Variants in TPMT observed in about 807,000 individuals in gnomAD.
TPMT encodes S-adenosyl-L-methionine:thiopurine S-methyltransferase.
Under a neutral mutation model 34.2 loss-of-function variants are expected in TPMT, and 18 were observed. The ratio of observed to expected loss-of-function variants is 0.53; its 90% CI spans 0.36 to 0.78. The LOEUF is 0.78. TPMT is among the 30% of genes least tolerant of loss of function. TPMT has a pLI of 0.00. For synonymous variants in TPMT, 69 were observed against 92.4 expected, an observed-to-expected ratio of 0.75 and a Z score of 1.45; for missense variants, 265 against 288.1, an observed-to-expected ratio of 0.92 and a Z score of 0.58.
chr6:18,146,821 G>A lies in TPMT; in HGVS notation c.233+1002C>T, dbSNP rs1257427665. ...GGCTCTCAGCTACAGTTGATTGGTT[G>A]CTGGCTGCAAAAATTCTATCATCTC... On this transcript the variant is annotated intron_variant, in intron 3 of 8. Transcript: ENST00000309983. The surrounding 1 kb of genome is among the most constrained non-coding windows in gnomAD (Gnocchi z 6.2). Among the ~76,000 whole-genome samples, 1 of 152,132 alleles carries A rather than the reference G, an allele frequency of 6.6e-6. No homozygotes were observed.
In TPMT at chr6:18,133,847, C is replaced by A. The variant is rs6921269; in HGVS notation, c.537G>T (p.Gln179His). 1.2e-3 allele frequency: 1,901 copies of A among 1,611,974 alleles called. 25 individuals carry two copies. In the African/African-American group the frequency reaches 0.022, roughly 19 times the overall value. Residue 179 changes from glutamine (Q) to histidine (H), a missense_variant, in exon 7 of 9, where the codon CAG becomes CAT. Transcript: ENST00000309983. Reference sequence around the variant, plus strand: ...CATAAGAAAGAACACACAGGAGATACTGAAACTTCTTTCCCAGGAGGGAAA... The same window carrying A: ...CATAAGAAAGAACACACAGGAGATAATGAAACTTCTTTCCCAGGAGGGAAA... ...TMFSLLGKKFQYLLCVLSYDP... is the reference protein window; with the variant it reads ...TMFSLLGKKFHYLLCVLSYDP...
chr6:18,147,979 T>C (rs1784279503), intron 2 of TPMT, 64 bp from the exon 3 acceptor site: 1 of 1,216,828 alleles, frequency 8.2e-7, no homozygotes, highest in Non-Finnish European at 1.2e-6. Context: ...TTTCATTCAT[T>C]ATCTCACTTA....
At chr6:18,151,650 C>T (rs571607946) in intron 1 of TPMT, among the ~76,000 whole-genome samples, 59 of 151,822 alleles carry the variant, frequency 3.9e-4, no homozygotes, top group African/African-American at 1.4e-3. Context: ...GTCACCCAGG[C>T]TGTAGTGCAG....
rs762310024 is a variant in TPMT, at chr6:18,147,872, C to T, written c.184G>A (p.Gly62Arg). ...CAAAGAGGAAAAAATACCCTCAGTC[C>T]ACTCTTGCCTTTAAGGAAAGTATCT... is the stretch of plus-strand genomic sequence containing the variant. ...HLDTFLKGKS[G>R]LRVFFPLCGK... Residue 62 changes from glycine to arginine, a missense_variant, in exon 3 of 9, where the codon GGA (glycine) becomes AGA (arginine). Physicochemically the swap from Gly to Arg is moderately radical, Grantham distance 125. Coordinates refer to ENST00000309983, the MANE Select transcript of TPMT (RefSeq NM_000367.5). 1 of 1,613,876 alleles carries T rather than the reference C, an allele frequency of 6.2e-7. No individual in the cohort carries two copies.
chr6:18,130,712 T>G lies in TPMT; in HGVS notation c.694A>C (p.Ile232Leu). ...TATAACTTTTCAAAAAGACAGTCAA[T>G]TCCCCAACTTTTATGTCGTTCTTCA... ...AFEERHKSWG[I>L]DCLFEKLYLL... The change falls in exon 9 of 9, where the codon ATT becomes CTT. Residue 232 changes from isoleucine to leucine, a missense_variant. Coordinates refer to ENST00000309983, the MANE Select transcript of TPMT (RefSeq NM_000367.5). This position sits in a 1 kb window ranked among gnomAD's most constrained non-coding sequence, Gnocchi z 4.2. The G allele has an allele frequency of 6.2e-7, 1 of 1,613,224 alleles. No homozygotes were observed. Among genetic ancestry groups the G allele is most frequent in the South Asian group, 1.1e-5 (1 of 91,046 alleles).
At chr6:18,137,943 C>A (rs1784072807) in intron 6 of TPMT, among the ~76,000 whole-genome samples, 1 of 152,090 alleles carries the variant, frequency 6.6e-6, no homozygotes, top group Non-Finnish European at 1.5e-5. Context: ...CCACATTGGG[C>A]TGATTTTTGT....
intron 6 of TPMT, 76 bp from the exon 7 acceptor site, chr6:18,133,965 G>T: frequency 8.4e-7 from 1 of 1,185,430 alleles, no homozygotes; most frequent in Non-Finnish European, 1.3e-6. Flanking sequence ...GGCAGGGAAG[G>T]AAGCCAGAAG....
Position 18,132,063 on chromosome 6 carries a change from C to A in TPMT, c.625+70G>T. The A allele has an allele frequency of 6.4e-7, 1 of 1,554,414 alleles. No individual in the cohort carries two copies. The highest frequency in any genetic ancestry group is 8.9e-7 in the Non-Finnish European group (1 of 1,127,644). On this transcript the variant is annotated intron_variant, in intron 8 of 8. Coordinates refer to ENST00000309983, the MANE Select transcript of TPMT (RefSeq NM_000367.5). The surrounding 1 kb of genome is among the most constrained non-coding windows in gnomAD (Gnocchi z 4.8). ...AAGTGCTGGAAATACAGGCATGAGC[C>A]AGCACGCCAGGCCCAAAAGAGTTAA...
intron 1 of TPMT, among the ~76,000 whole-genome samples, chr6:18,152,394 T>C (rs948659854): frequency 6.6e-6 from 1 of 152,166 alleles, no homozygotes; most frequent in Non-Finnish European, 1.5e-5. Context: ...CAGATTAAAG[T>C]AGATACTGAA....
rs1784089391 is a variant in TPMT, at chr6:18,138,846, C to CA, written c.494+116dup. On this transcript the variant is annotated intron_variant, in intron 6 of 8. Coordinates refer to ENST00000309983, the MANE Select transcript of TPMT (RefSeq NM_000367.5). The surrounding 1 kb of genome is among the most constrained non-coding windows in gnomAD (Gnocchi z 4.1). ...ATTGGATTTAGGTTTTTATAAATTC[C>CA]AAACATAATAACCTATTTCAAACTC... 1 of 872,796 alleles carries CA rather than the reference C, an allele frequency of 1.1e-6. No individual in the cohort carries two copies. The highest frequency in any genetic ancestry group is 1.7e-5 in the African/African-American group (1 of 58,518). 54.1% of individuals were successfully genotyped at this position (872,796 alleles called of 1,614,324 possible). A position where few individuals can be genotyped will look rare whatever the true frequency, so the allele number is the denominator to read the frequency against.
In TPMT at chr6:18,148,846, A is replaced by T; in HGVS notation, c.140+142T>A. 8.6e-7 allele frequency: 1 copy of T among 1,167,046 alleles called. No individual in the cohort carries two copies. Among genetic ancestry groups the T allele is most frequent in the Non-Finnish European group, 1.3e-6 (1 of 797,800 alleles). 72.3% of individuals were successfully genotyped at this position (1,167,046 alleles called of 1,614,324 possible). ...TTAAACTACATCATGCCACAGATGC[A>T]CTGTGACTCGGGAGACACAAAAATG... On this transcript the variant is annotated intron_variant, in intron 2 of 8. Transcript: ENST00000309983. This position sits in a 1 kb window ranked among gnomAD's most constrained non-coding sequence, Gnocchi z 4.1.
chr6:18,138,800 T>A lies in TPMT; in HGVS notation c.494+163A>T, dbSNP rs1784089043. Among the ~76,000 whole-genome samples the A allele has an allele frequency of 6.6e-6, 1 of 152,222 alleles. No individual in the cohort carries two copies. The highest frequency in any genetic ancestry group is 1.5e-5 in the Non-Finnish European group (1 of 68,044). On this transcript the variant is annotated intron_variant, in intron 6 of 8. Coordinates refer to ENST00000309983, the MANE Select transcript of TPMT (RefSeq NM_000367.5). This position sits in a 1 kb window ranked among gnomAD's most constrained non-coding sequence, Gnocchi z 4.1. ...CCCAGGTCTCTGTAGTCAAATCCTA[T>A]ACTTTTTAGACAAAGCTAGTATTGG...
At position 18,147,925 on chromosome 6, in the gene TPMT, A is replaced by G. The variant is rs757278118; in HGVS notation, c.141-10T>C. The G allele has an allele frequency of 2.0e-4, 136 of 686,522 alleles. 1 individual carries two copies. Among genetic ancestry groups the G allele is most frequent in the South Asian group, 1.3e-3 (40 of 29,976 alleles). 42.5% of individuals were successfully genotyped at this position (686,522 alleles called of 1,614,324 possible). A position where few individuals can be genotyped will look rare whatever the true frequency, so the allele number is the denominator to read the frequency against. On this transcript the variant is annotated splice_polypyrimidine_tract_variant and intron_variant, in intron 2 of 8. Transcript: ENST00000309983. The stretch of plus-strand genomic sequence containing the variant: ...ATGCTTCTTTAATAGCCTGAAGAGG[A>G]AAAAAAAAAAGGTTTTAGGACAATT...
At position 18,142,398 on chromosome 6, in the gene TPMT, T is replaced by A. The variant is rs563965521; in HGVS notation, c.366+1198A>T. Among the ~76,000 whole-genome samples, 3 of 152,182 alleles carry A rather than the reference T, an allele frequency of 2.0e-5. No individual in the cohort carries two copies. In the East Asian group the frequency reaches 5.8e-4, roughly 30 times the overall value. ...CTACCACACTTCTTCCAATTTAGGA[T>A]CAGCCAGAGAAAGGCAAACATGCTC... On this transcript the variant is annotated intron_variant, in intron 4 of 8. Transcript: ENST00000309983.
intron 7 of TPMT, 27 bp downstream of exon 7, chr6:18,133,777 G>GAAAAAAAAAA: frequency 7.4e-7 from 1 of 1,348,420 alleles, no homozygotes; most frequent in Non-Finnish European, 1.0e-6. Context: ...ACTGGTAAAA[G>GAAAAAAAAAA]AAAAAAAAAA....
At position 18,140,288 on chromosome 6, in the gene TPMT, C is replaced by T. The variant is rs1740719592; in HGVS notation, c.367-571G>A. Among the ~76,000 whole-genome samples, 1 of 152,202 alleles carries T rather than the reference C, an allele frequency of 6.6e-6. No homozygotes were observed. Among genetic ancestry groups the T allele is most frequent in the South Asian group, 2.1e-4 (1 of 4,830 alleles). On this transcript the variant is annotated intron_variant, in intron 4 of 8. Transcript: ENST00000309983. The surrounding 1 kb of genome is among the most constrained non-coding windows in gnomAD (Gnocchi z 4.7). ...AGCAGAGAAGCGTGGGCACAGAGAA[C>T]ATTACAATCCAGAATGGCCTGCTCT...
rs1015892703 is a variant in TPMT, at chr6:18,139,449, T to C, written c.419+216A>G. Among the ~76,000 whole-genome samples, 1 of 152,182 alleles carries C rather than the reference T, an allele frequency of 6.6e-6. No homozygotes were observed. Among genetic ancestry groups the C allele is most frequent in the African/African-American group, 2.4e-5 (1 of 41,426 alleles). On this transcript the variant is annotated intron_variant, in intron 5 of 8. Transcript: ENST00000309983. The surrounding 1 kb of genome is among the most constrained non-coding windows in gnomAD (Gnocchi z 4.2). ...TCACCTTTCTTTTTCCCTAGCTGCCTCAGTTTCCCATAGTTTGGGAGCTAA... is the reference window on the plus strand; with the variant it reads ...TCACCTTTCTTTTTCCCTAGCTGCCCCAGTTTCCCATAGTTTGGGAGCTAA...
In TPMT at chr6:18,139,372, G is replaced by C. The variant is rs1784098896; in HGVS notation, c.419+293C>G. On this transcript the variant is annotated intron_variant, in intron 5 of 8. Coordinates refer to ENST00000309983, the MANE Select transcript of TPMT (RefSeq NM_000367.5). The surrounding 1 kb of genome is among the most constrained non-coding windows in gnomAD (Gnocchi z 4.2). ...GAGCTCTTATCTCCCTTGGCTACTT[G>C]AAATTCATTTCTATTACAGGCCCAG... 6.6e-6 allele frequency among the ~76,000 whole-genome samples: 1 copy of C among 152,172 alleles called. No homozygotes were observed. The highest frequency in any genetic ancestry group is 1.5e-5 in the Non-Finnish European group (1 of 68,032).
At chr6:18,155,116 C>A, upstream of TPMT, 1 of 150,922 alleles carries the variant, frequency 6.6e-6, no homozygotes, top group South Asian at 1.8e-4. This position sits in a 1 kb window ranked among gnomAD's most constrained non-coding sequence, Gnocchi z 6.2. Flanking sequence ...CCACCTCCGC[C>A]ACTTCTCCGC....
Sources: gnomAD v4.1 joint callset for allele counts (sites outside exome capture counted in the v4.1 genomes callset) on GRCh38, gnomAD v4.1.1 for gene constraint, Gnocchi (gnomAD v3.1) non-coding constraint, MANE v1.5 for transcripts, NCBI Gene and HGNC (gene_info 2026-07-23, HGNC 2026-07-21) for gene names.